The following HDAC9 variants were observed in gnomAD, a reference collection of about 807,000 sequenced individuals.
The protein encoded by HDAC9 is MEF-2 interacting transcription repressor (MITR) protein.
A neutral mutation model predicts 139.4 loss-of-function variants in HDAC9; 41 were observed. The ratio of observed to expected loss-of-function variants is 0.29; its 90% CI spans 0.23 to 0.38. The LOEUF (loss-of-function observed/expected upper bound fraction) is 0.38, where lower values mean the gene tolerates loss of function less well. HDAC9 is among the 10% of genes least tolerant of loss of function. The pLI is 1.00. For synonymous variants in HDAC9, 517 were observed against 476.2 expected, an observed-to-expected ratio of 1.09 and a Z score of -1.12; for missense variants, 1,147 against 1,297.0, an observed-to-expected ratio of 0.88 and a Z score of 1.78.
chr7:18,754,053 C>T (rs964867291), intron 14 of HDAC9, among the ~76,000 whole-genome samples: 1 of 152,186 alleles, frequency 6.6e-6, no homozygotes, highest in South Asian at 2.1e-4. Context: ...CATTAGTCCT[C>T]ATTATATTAG....
At chr7:18,105,033 AT>A (rs1403230503) in intron 1 of HDAC9, among the ~76,000 whole-genome samples, 7 of 151,518 alleles carry the variant, frequency 4.6e-5, no homozygotes, top group Admixed American at 6.6e-5. Context: ...CCTTTCTAAA[AT>A]GAAATTTTAA....
chr7:18,648,957 G>A (rs1788328146), intron 11 of HDAC9, among the ~76,000 whole-genome samples: 1 of 152,084 alleles, frequency 6.6e-6, no homozygotes, highest in South Asian at 2.1e-4. Context: ...AGCCCATACG[G>A]GCATATGTAT....
At chr7:18,107,502 T>G (rs553805247) in intron 1 of HDAC9, among the ~76,000 whole-genome samples, 2 of 151,548 alleles carry the variant, frequency 1.3e-5, no homozygotes, top group South Asian at 4.2e-4. Context: ...TTGATCTCTT[T>G]CTTGCTCTCT....
chr7:18,288,883 A>G (rs928731523), upstream of HDAC9, among the ~76,000 whole-genome samples: 2 of 152,200 alleles, frequency 1.3e-5, no homozygotes, highest in African/African-American at 4.8e-5. Context: ...TGGATGAGGA[A>G]GGCCTGTGGA....
At chr7:18,310,162 TG>T (rs1253455941) in intron 1 of HDAC9, among the ~76,000 whole-genome samples, 1 of 42,372 alleles carries the variant, frequency 2.4e-5, no homozygotes, top group African/African-American at 9.3e-5. Context: ...AGGACTGTGG[TG>T]GGGGGGTGGG....
At chr7:18,829,012 A>G (rs1051416313) in intron 17 of HDAC9, 149 bp from the exon 18 acceptor site, 6 of 664,786 alleles carry the variant, frequency 9.0e-6, no homozygotes, top group South Asian at 5.1e-5. Flanking sequence ...ATGACTGGCA[A>G]TGGGGGAACA....
At chr7:18,862,506 G>C (rs1271405765) in intron 21 of HDAC9, among the ~76,000 whole-genome samples, 2 of 152,154 alleles carry the variant, frequency 1.3e-5, no homozygotes, top group African/African-American at 4.8e-5. Context: ...CCCTACAATT[G>C]TACACTGAAG....
In HDAC9 at chr7:18,991,904, C is replaced by G. The variant is rs573337878; in HGVS notation, c.3171-4119C>G. 2.0e-5 allele frequency among the ~76,000 whole-genome samples: 3 copies of G among 152,296 alleles called. No homozygotes were observed. The East Asian group carries it at 5.8e-4, about 29-fold the overall frequency. On this transcript the variant is annotated intron_variant, in intron 25 of 25. Coordinates refer to ENST00000686413, the MANE Select transcript of HDAC9 (RefSeq NM_178425.4). Reference sequence around the variant, plus strand: ...GTTCTATGAGAGCAGGGATGTTTGTCTATTTTGTTCATTGCTATGTTCCTA... The same window carrying G: ...GTTCTATGAGAGCAGGGATGTTTGTGTATTTTGTTCATTGCTATGTTCCTA...
chr7:18,427,729 T>C (rs1238803225), intron 1 of HDAC9, among the ~76,000 whole-genome samples: 7 of 151,666 alleles, frequency 4.6e-5, no homozygotes. Context: ...TTTTCTTTTA[T>C]TGTGGCAAGA....
intron 12 of HDAC9, among the ~76,000 whole-genome samples, chr7:18,721,390 A>T (rs1785132095): frequency 6.6e-6 from 1 of 152,128 alleles, no homozygotes; most frequent in Non-Finnish European, 1.5e-5. Flanking sequence ...TGGAAATAAA[A>T]ATTTTTCATA....
intron 24 of HDAC9, among the ~76,000 whole-genome samples, chr7:18,967,676 T>G (rs917522288): frequency 2.0e-5 from 3 of 152,186 alleles, no homozygotes; most frequent in Non-Finnish European, 4.4e-5. Context: ...GAGCACACAA[T>G]TTTTATAAAT....
At chr7:18,563,231 C>T (rs1175832340) in intron 2 of HDAC9, among the ~76,000 whole-genome samples, 1 of 152,126 alleles carries the variant, frequency 6.6e-6, no homozygotes, top group Non-Finnish European at 1.5e-5. Flanking sequence ...ATTATAATCT[C>T]AGTATATCAG....
intron 2 of HDAC9, among the ~76,000 whole-genome samples, chr7:18,559,226 C>T (rs1289234419): frequency 2.6e-5 from 4 of 152,148 alleles, no homozygotes; most frequent in African/African-American, 9.7e-5. Context: ...TCTAAGACAG[C>T]AAAGCCCAAT....
chr7:18,582,518 A>G lies in HDAC9; in HGVS notation c.23-2763A>G, dbSNP rs539651918. On this transcript the variant is annotated intron_variant, in intron 2 of 25. Transcript: ENST00000686413. The stretch of plus-strand genomic sequence containing the variant: ...TTGACTACATTGCTTATATATATAT[A>G]TATTTTTTAAATGGTTATCATAGTG... 4.3e-4 allele frequency among the ~76,000 whole-genome samples: 65 copies of G among 151,694 alleles called. 1 individual carries two copies. The South Asian group carries it at 5.4e-3, about 13-fold the overall frequency.
At chr7:18,359,832 C>T (rs1254338922) in intron 1 of HDAC9, among the ~76,000 whole-genome samples, 1 of 152,218 alleles carries the variant, frequency 6.6e-6, no homozygotes, top group Non-Finnish European at 1.5e-5. Flanking sequence ...TAGTCTTGAA[C>T]TCCTGACCTC....
chr7:18,422,055 A>G (rs1005743864), intron 1 of HDAC9, among the ~76,000 whole-genome samples: 1 of 152,140 alleles, frequency 6.6e-6, no homozygotes, highest in African/African-American at 2.4e-5. Context: ...AGATCCTTCT[A>G]TTCTACTTTT....
intron 1 of HDAC9, among the ~76,000 whole-genome samples, chr7:18,117,281 T>G (rs935156326): frequency 4.0e-5 from 6 of 151,894 alleles, no homozygotes; most frequent in African/African-American, 1.5e-4. Context: ...GGTCAGGAGA[T>G]CGAGACCTTC....
chr7:18,171,318 T>A (rs1408168341), intron 2 of HDAC9, among the ~76,000 whole-genome samples: 1 of 152,202 alleles, frequency 6.6e-6, no homozygotes, highest in Non-Finnish European at 1.5e-5. Flanking sequence ...TTTGCTGAAG[T>A]TGCTTATCAG....
chr7:18,860,079 C>T (rs767762151), intron 21 of HDAC9, among the ~76,000 whole-genome samples: 6 of 151,454 alleles, frequency 4.0e-5, no homozygotes, highest in Non-Finnish European at 7.4e-5. Flanking sequence ...CTGCACCCCA[C>T]CGAAAGGAGA....
Sources: allele counts gnomAD v4.1 joint callset (sites outside exome capture counted in the v4.1 genomes callset), GRCh38; gene constraint gnomAD v4.1.1; transcripts MANE v1.5; gene names NCBI Gene and HGNC (gene_info 2026-07-23, HGNC 2026-07-21).